Variants in CD163L1 observed in about 807,000 individuals in gnomAD.
The protein encoded by CD163L1 is scavenger receptor cysteine-rich type 1 protein M160.
A neutral mutation model predicts 165.4 loss-of-function variants in CD163L1; 124 were observed. The observed-to-expected ratio is 0.75, with a 90% CI of 0.65 to 0.87. The LOEUF (loss-of-function observed/expected upper bound fraction) is 0.87, where lower values mean the gene tolerates loss of function less well. Ranked by LOEUF, CD163L1 falls within the 40% of genes least tolerant of loss-of-function variation. CD163L1 has a pLI of 0.00. For synonymous variants in CD163L1, 585 were observed against 662.2 expected, an observed-to-expected ratio of 0.88 and a Z score of 1.79; for missense variants, 1,525 against 1,799.9, an observed-to-expected ratio of 0.85 and a Z score of 2.76.
At chr12:7,414,708 C>CA (rs1360650917) in intron 4 of CD163L1, among the ~76,000 whole-genome samples, 2 of 152,056 alleles carry the variant, frequency 1.3e-5, no homozygotes, top group East Asian at 1.9e-4. Context: ...TTGAAAGCAG[C>CA]AACAGAAAAC....
At chr12:7,355,236 C>T (rs1946750138) in intron 19 of CD163L1, 106 bp from the exon 20 acceptor site, 1 of 152,106 alleles carries the variant, frequency 6.6e-6, no homozygotes, top group Non-Finnish European at 1.5e-5. Context: ...CACACAAACA[C>T]ACACACAACC....
chr12:7,375,943 T>C lies in CD163L1; in HGVS notation c.2443A>G (p.Thr815Ala). Residue 815 changes from threonine (T) to alanine (A), a missense_variant, in exon 10 of 20, where the codon ACA (threonine) becomes GCA (alanine). Thr to Ala is a moderately conservative substitution (Grantham distance 58). Coordinates refer to ENST00000313599, the MANE Select transcript of CD163L1 (RefSeq NM_174941.6). The stretch of plus-strand genomic sequence containing the variant: ...TCAGAATCACAGACAGAGCGCCATG[T>C]GTCTGCATGTTTCACTTCAACACGT... The part of the protein sequence containing the change: ...SGRVEVKHAD[T>A]WRSVCDSDFS... 1.2e-6 allele frequency: 2 copies of C among 1,614,268 alleles called. No individual in the cohort carries two copies. Among genetic ancestry groups the C allele is most frequent in the South Asian group, 1.1e-5 (1 of 91,090 alleles).
intron 8 of CD163L1, among the ~76,000 whole-genome samples, chr12:7,386,759 T>G (rs919170552): frequency 4.6e-5 from 7 of 152,066 alleles, no homozygotes; most frequent in African/African-American, 1.7e-4. Context: ...AAAAAGCATT[T>G]GATAAAATTC....
At chr12:7,384,259 T>A (rs945906165) in intron 8 of CD163L1, among the ~76,000 whole-genome samples, 3 of 151,982 alleles carry the variant, frequency 2.0e-5, no homozygotes, top group African/African-American at 4.8e-5. Flanking sequence ...AGAAAGAAAT[T>A]TTTTTTCAAT....
Position 7,373,371 on chromosome 12 carries a change from A to G in CD163L1, c.3679T>C (p.Trp1227Arg). The change falls in exon 14 of 20, where the codon TGG becomes CGG. Residue 1227 changes from tryptophan to arginine, a missense_variant. By Grantham distance (101) the Trp-to-Arg change is moderately radical. Coordinates refer to ENST00000313599, the MANE Select transcript of CD163L1 (RefSeq NM_174941.6). ...ISIWQCLSAPWERRISSPAEE... is the reference protein window; with the variant it reads ...ISIWQCLSAPRERRISSPAEE... Reference sequence around the variant, plus strand: ...GCTGGGCTGGAGATTCTTCGCTCCCATGGGGCAGACAGGCACTGCCATATG... The same window carrying G: ...GCTGGGCTGGAGATTCTTCGCTCCCGTGGGGCAGACAGGCACTGCCATATG... 6.2e-7 allele frequency: 1 copy of G among 1,614,138 alleles called. No individual in the cohort carries two copies. Among genetic ancestry groups the G allele is most frequent in the Non-Finnish European group, 8.5e-7 (1 of 1,179,994 alleles).
Position 7,403,812 on chromosome 12 carries a change from A to G in CD163L1, c.1131T>C (p.Asn377=), listed in dbSNP as rs1947960037. ...LELRLADGSN[N]CSGRVEVRIH... ...TTCTCACCTCTACTCTCCCTGAACA[A>G]TTGTTACTTCCATCTGCTAGTCGCA... is the stretch of plus-strand genomic sequence containing the variant. The change falls in exon 6 of 20, where the codon AAT becomes AAC. Residue 377 remains asparagine, a synonymous_variant. Coordinates refer to ENST00000313599, the MANE Select transcript of CD163L1 (RefSeq NM_174941.6). 1.2e-6 allele frequency: 2 copies of G among 1,613,306 alleles called. No individual in the cohort carries two copies. The highest frequency in any genetic ancestry group is 1.7e-6 in the Non-Finnish European group (2 of 1,179,874).
the CD163L1 span, among the ~76,000 whole-genome samples, chr12:7,334,979 A>G: frequency 1.3e-5 from 2 of 152,220 alleles, no homozygotes; most frequent in African/African-American, 4.8e-5. Flanking sequence ...CCACTGCTCA[A>G]TGAAATAAAA....
At chr12:7,421,410 A>C (rs1359135927) in intron 4 of CD163L1, among the ~76,000 whole-genome samples, 13 of 60,076 alleles carry the variant, frequency 2.2e-4, no homozygotes, top group East Asian at 1.4e-3. Context: ...ATATCTTCCA[A>C]ATGTATATAT....
At chr12:7,326,589 C>A in the CD163L1 span, among the ~76,000 whole-genome samples, 1 of 152,194 alleles carries the variant, frequency 6.6e-6, no homozygotes, top group East Asian at 1.9e-4. Flanking sequence ...ACCACATATT[C>A]TCTAGGAACT....
At chr12:7,380,299 G>GTATACATACATATATGTA (rs1565784031) in intron 8 of CD163L1, among the ~76,000 whole-genome samples, 1 of 51,830 alleles carries the variant, frequency 1.9e-5, no homozygotes, top group East Asian at 4.7e-4. Flanking sequence ...GTGTGTGTGT[G>GTATACATACATATATGTA]TGTATACACA....
intron 4 of CD163L1, among the ~76,000 whole-genome samples, chr12:7,422,016 T>C (rs1488180735): frequency 6.6e-6 from 1 of 152,076 alleles, no homozygotes; most frequent in Non-Finnish European, 1.5e-5. Flanking sequence ...CTAACAGGGA[T>C]TGACAGACAC....
the CD163L1 span, among the ~76,000 whole-genome samples, chr12:7,326,432 A>C: frequency 6.6e-6 from 1 of 151,934 alleles, no homozygotes; most frequent in African/African-American, 2.4e-5. Flanking sequence ...CTGGTTTCAA[A>C]CTCCGGGGCT....
At chr12:7,367,498 TC>T in intron 17 of CD163L1, 167 bp from the exon 18 acceptor site, 1 of 485,964 alleles carries the variant, frequency 2.1e-6, no homozygotes, top group South Asian at 3.4e-5. Flanking sequence ...TTAAAATTTA[TC>T]CTCCTTTTTC....
chr12:7,323,384 C>A, the CD163L1 span: 1 of 1,591,660 alleles, frequency 6.3e-7, no homozygotes, highest in Non-Finnish European at 8.6e-7. Context: ...CTATTCATTG[C>A]ACAACTATTC....
intron 9 of CD163L1, 127 bp from the exon 10 acceptor site, chr12:7,376,141 C>T (rs1225475993): frequency 2.7e-6 from 2 of 746,410 alleles, no homozygotes; most frequent in South Asian, 1.9e-5. Context: ...TTCGTAGGGG[C>T]TCAGAGGACA....
In CD163L1 at chr12:7,423,518, C is replaced by CA. The variant is rs554131033; in HGVS notation, c.766+8897dup. Reference sequence around the variant, plus strand: ...AGAGACAGAGACAGAAAAAAACCTTCAAAAAAACAATCAACCCAGGAGCTG... The same window carrying CA: ...AGAGACAGAGACAGAAAAAAACCTTCAAAAAAAACAATCAACCCAGGAGCTG... On this transcript the variant is annotated intron_variant, in intron 4 of 19. Transcript: ENST00000313599. Among the ~76,000 whole-genome samples, 265 of 151,786 alleles carry CA rather than the reference C, an allele frequency of 1.7e-3. 2 individuals are homozygous for CA. Among genetic ancestry groups the CA allele is most frequent in the Non-Finnish European group, 2.9e-3 (197 of 67,894 alleles).
intron 4 of CD163L1, among the ~76,000 whole-genome samples, chr12:7,421,256 G>C (rs750169619): frequency 1.7e-5 from 2 of 121,000 alleles, no homozygotes; most frequent in South Asian, 5.0e-4. Flanking sequence ...AGATATATAT[G>C]TATATATCTT....
At chr12:7,422,364 A>C (rs959608202) in intron 4 of CD163L1, among the ~76,000 whole-genome samples, 3 of 152,174 alleles carry the variant, frequency 2.0e-5, no homozygotes, top group Admixed American at 2.0e-4. Context: ...GAAAATTCCC[A>C]AAACCGGAAT....
chr12:7,327,960 T>C, the CD163L1 span, among the ~76,000 whole-genome samples: 1 of 152,164 alleles, frequency 6.6e-6, no homozygotes, highest in Non-Finnish European at 1.5e-5. Context: ...CTGTTCTTTT[T>C]GTATTTAGCT....
Sources: gnomAD v4.1 joint callset for allele counts (sites outside exome capture counted in the v4.1 genomes callset) on GRCh38, gnomAD v4.1.1 for gene constraint, MANE v1.5 for transcripts, NCBI Gene and HGNC (gene_info 2026-07-23, HGNC 2026-07-21) for gene names.